ANKFY1: variants seen among roughly 807,000 people sequenced by gnomAD.
The protein encoded by ANKFY1 is ankyrin repeat and FYVE domain-containing protein 1.
In ANKFY1, 47 loss-of-function variants were observed where a neutral mutation model predicts 128.3. The observed-to-expected ratio is 0.37, with a 90% CI of 0.29 to 0.47. The LOEUF (loss-of-function observed/expected upper bound fraction) is 0.47, where lower values mean the gene tolerates loss of function less well. Ranked by LOEUF, ANKFY1 falls within the 20% of genes least tolerant of loss-of-function variation. The pLI, the probability that ANKFY1 is intolerant of heterozygous loss-of-function variation, is 1.00. For synonymous variants in ANKFY1, 553 were observed against 601.6 expected (o/e 0.92, Z 1.18); for missense variants, 1,222 against 1,510.6 (o/e 0.81, Z 3.17).
At chr17:4,238,778 T>A (rs1276435067) in intron 2 of ANKFY1, among the ~76,000 whole-genome samples, 1 of 150,864 alleles carries the variant, frequency 6.6e-6, no homozygotes, top group Non-Finnish European at 1.5e-5. Flanking sequence ...GTTTTTTTTT[T>A]AGACAGGGTC....
chr17:4,216,950 C>G (rs1274454848), intron 4 of ANKFY1, 33 bp downstream of exon 4: 1 of 1,613,556 alleles, frequency 6.2e-7, no homozygotes, highest in African/African-American at 1.3e-5. Context: ...CCACCACCAT[C>G]TGAGGTGCTT....
Position 4,197,544 on chromosome 17 carries a change from T to C in ANKFY1, c.932A>G (p.Asn311Ser). 1.9e-6 allele frequency: 3 copies of C among 1,614,190 alleles called. No individual in the cohort carries two copies. The highest frequency in any genetic ancestry group is 2.2e-5 in the South Asian group (2 of 91,078). The part of the protein sequence containing the change: ...DLFAATFLIK[N>S]GAFVNAATLG... Reference sequence around the variant, plus strand: ...TGTAGCAGCGTTGACAAAGGCCCCATTCTTAATGAGGAAAGTGGCAGCAAA... The same window carrying C: ...TGTAGCAGCGTTGACAAAGGCCCCACTCTTAATGAGGAAAGTGGCAGCAAA... The change falls in exon 8 of 25, where the codon AAT becomes AGT. Residue 311 changes from asparagine (N) to serine (S), a missense_variant. Coordinates refer to ENST00000341657, the MANE Select transcript of ANKFY1 (RefSeq NM_001330063.2).
chr17:4,235,480 G>A (rs141070020), intron 3 of ANKFY1, among the ~76,000 whole-genome samples: 99 of 151,962 alleles, frequency 6.5e-4, no homozygotes, highest in African/African-American at 2.3e-3. Flanking sequence ...ATTTTTTCAT[G>A]AAATGAGTGT....
At chr17:4,195,813 AT>A (rs1253290255) in intron 8 of ANKFY1, among the ~76,000 whole-genome samples, 1 of 151,986 alleles carries the variant, frequency 6.6e-6, no homozygotes, top group Non-Finnish European at 1.5e-5. Context: ...TTCTCCATCA[AT>A]TCTAAAAGGA....
intron 4 of ANKFY1, 33 bp downstream of exon 4, chr17:4,216,950 C>CTGAGGTGCTTGAATA (rs1326679648): frequency 1.2e-6 from 2 of 1,613,556 alleles, no homozygotes; most frequent in African/African-American, 1.3e-5. Context: ...CCACCACCAT[C>CTGAGGTGCTTGAATA]TGAGGTGCTT....
At chr17:4,262,271 G>A (rs76341560) in intron 1 of ANKFY1, among the ~76,000 whole-genome samples, 3,823 of 152,010 alleles carry the variant, frequency 0.025, 83 homozygotes, top group Non-Finnish European at 0.037. Flanking sequence ...TTACTGCGAG[G>A]ACCACAGGCA....
intron 13 of ANKFY1, 66 bp from the exon 14 acceptor site, chr17:4,183,617 C>G: frequency 6.3e-7 from 1 of 1,581,690 alleles, no homozygotes; most frequent in South Asian, 1.1e-5. Flanking sequence ...CTTACTACAA[C>G]AGCCAGACCC....
At chr17:4,249,129 A>G (rs1299814931) in intron 1 of ANKFY1, 2 of 985,208 alleles carry the variant, frequency 2.0e-6, no homozygotes, top group Non-Finnish European at 2.4e-6. Flanking sequence ...AGAGAAACCA[A>G]GAATGATTTT....
chr17:4,222,374 ATC>A (rs1273149001), intron 3 of ANKFY1: 4 of 782,446 alleles, frequency 5.1e-6, no homozygotes, highest in Non-Finnish European at 9.5e-6. Flanking sequence ...CTGTCCTTTA[ATC>A]TGTTAGTACC....
In ANKFY1 at chr17:4,215,420, G is replaced by A. The variant is rs1041622864; in HGVS notation, c.458+1563C>T. ...AAATCAGTGCTAGCATTCCAAAACC[G>A]GCGAGATCCCCACATTACAAAAAGA... is the stretch of plus-strand genomic sequence containing the variant. On this transcript the variant is annotated intron_variant, in intron 4 of 24. Transcript: ENST00000341657. 3.3e-5 allele frequency among the ~76,000 whole-genome samples: 5 copies of A among 150,930 alleles called. 1 individual carries two copies. Among genetic ancestry groups the A allele is most frequent in the Non-Finnish European group, 5.9e-5 (4 of 67,732 alleles).
intron 2 of ANKFY1, among the ~76,000 whole-genome samples, chr17:4,240,497 T>A (rs1376728175): frequency 6.6e-6 from 1 of 151,814 alleles, no homozygotes; most frequent in Non-Finnish European, 1.5e-5. Context: ...ATTCAAGCAA[T>A]TCTCCTGCCT....
chr17:4,192,200 T>C (rs543385285), intron 10 of ANKFY1, among the ~76,000 whole-genome samples: 47 of 150,506 alleles, frequency 3.1e-4, no homozygotes, highest in Non-Finnish European at 4.9e-4. Flanking sequence ...TGGAGACTCC[T>C]AGTTGATGGT....
At chr17:4,217,506 C>G (rs778438638) in intron 3 of ANKFY1, among the ~76,000 whole-genome samples, 3 of 152,122 alleles carry the variant, frequency 2.0e-5, no homozygotes, top group African/African-American at 4.8e-5. Context: ...GAGATTGAGC[C>G]ACTGCACTCC....
At chr17:4,182,591 T>C (rs945410638) in intron 14 of ANKFY1, among the ~76,000 whole-genome samples, 1 of 152,240 alleles carries the variant, frequency 6.6e-6, no homozygotes, top group Non-Finnish European at 1.5e-5. Context: ...TGAAATCTTA[T>C]AGTTACTTTT....
rs2059175049 is a variant in ANKFY1, at chr17:4,164,349, G to A, written c.*3430C>T. The A allele has an allele frequency of 6.5e-6, 1 of 152,682 alleles. No individual in the cohort carries two copies. The highest frequency in any genetic ancestry group is 2.1e-4 in the South Asian group (1 of 4,826). The allele number at this position is 152,682 out of a possible 1,614,324, so 9.5% of individuals were successfully genotyped here. On this transcript the variant is annotated 3_prime_UTR_variant, in exon 25 of 25. Coordinates refer to ENST00000341657, the MANE Select transcript of ANKFY1 (RefSeq NM_001330063.2). ...TCTTTAAGGCATCTGTAACTTCTGG[G>A]AATTTCAGGGTTTTTATCTTGCCAG...
chr17:4,219,875 G>A (rs7223599), intron 3 of ANKFY1, among the ~76,000 whole-genome samples: 55,711 of 151,840 alleles, frequency 0.37, 10,393 homozygotes, highest in Admixed American at 0.43. Context: ...AGGCTGGAGT[G>A]CAGTGGCGCG....
chr17:4,176,052 C>T (rs1249226943), intron 19 of ANKFY1, among the ~76,000 whole-genome samples: 2 of 152,206 alleles, frequency 1.3e-5, no homozygotes, highest in Non-Finnish European at 2.9e-5. Flanking sequence ...GCTCCGCCTC[C>T]TTGGCTGCTT....
chr17:4,192,230 C>G (rs1299525970), intron 10 of ANKFY1, among the ~76,000 whole-genome samples: 1 of 146,898 alleles, frequency 6.8e-6, no homozygotes, highest in Admixed American at 6.7e-5. Context: ...CTGGAGACTC[C>G]TAGTTGATGG....
At chr17:4,235,112 G>A (rs1966867913) in intron 3 of ANKFY1, among the ~76,000 whole-genome samples, 2 of 152,134 alleles carry the variant, frequency 1.3e-5, no homozygotes, top group South Asian at 4.1e-4. Context: ...GGAGGCTGAG[G>A]TGGGTGGACC....
Sources: allele counts gnomAD v4.1 joint callset (sites outside exome capture counted in the v4.1 genomes callset), GRCh38; gene constraint gnomAD v4.1.1; transcripts MANE v1.5; gene names NCBI Gene and HGNC (gene_info 2026-07-23, HGNC 2026-07-21).